Variants in UNC13C observed in about 807,000 individuals in gnomAD.
UNC13C encodes protein unc-13 homolog C.
In UNC13C, 174 loss-of-function variants were observed where a neutral mutation model predicts 245.4. That is an observed-to-expected ratio of 0.71 (90% CI 0.63 to 0.80). The LOEUF (loss-of-function observed/expected upper bound fraction) is 0.80. UNC13C is among the 30% of genes least tolerant of loss of function. The pLI is 0.00. For missense variants in UNC13C, 2,829 were observed against 2,602.9 expected (o/e 1.09, Z -1.89); for synonymous variants, 992 against 895.1 (o/e 1.11, Z -1.93).
intron 19 of UNC13C, among the ~76,000 whole-genome samples, chr15:54,466,102 T>G (rs2141034446): frequency 6.6e-6 from 1 of 152,074 alleles, no homozygotes; most frequent in East Asian, 1.9e-4. Flanking sequence ...GAGTCAAATT[T>G]TGCATGTTCT....
intron 4 of UNC13C, among the ~76,000 whole-genome samples, chr15:54,196,894 T>C (rs2034370843): frequency 6.6e-6 from 1 of 152,126 alleles, no homozygotes; most frequent in Non-Finnish European, 1.5e-5. Context: ...AAATATTTAC[T>C]TTAATTCCAG....
the UNC13C span, among the ~76,000 whole-genome samples, chr15:53,956,748 T>C: frequency 7.9e-5 from 12 of 151,446 alleles, no homozygotes; most frequent in African/African-American, 1.2e-4. Context: ...GCCAATGTCA[T>C]GATGTGGTCC....
chr15:53,863,310 T>C, the UNC13C span, among the ~76,000 whole-genome samples: 2 of 152,166 alleles, frequency 1.3e-5, no homozygotes, highest in Non-Finnish European at 2.9e-5. Context: ...CCCAAGTCTA[T>C]GTAGGTTGGC....
intron 1 of UNC13C, among the ~76,000 whole-genome samples, chr15:54,005,082 T>C (rs564437971): frequency 6.6e-6 from 1 of 152,282 alleles, no homozygotes; most frequent in South Asian, 2.1e-4. Flanking sequence ...TAATGTTCTC[T>C]CTACTCTCCC....
At chr15:53,872,475 G>C in the UNC13C span, among the ~76,000 whole-genome samples, 1 of 152,130 alleles carries the variant, frequency 6.6e-6, no homozygotes, top group Non-Finnish European at 1.5e-5. Context: ...CCTAGATTTA[G>C]ATGGTTGTCT....
chr15:54,594,495 C>G (rs150864513), intron 30 of UNC13C, among the ~76,000 whole-genome samples: 6,301 of 152,000 alleles, frequency 0.041, 240 homozygotes, highest in Admixed American at 0.12. Context: ...TTGGGCAGGT[C>G]TTGCTGTGGC....
At chr15:54,289,357 C>G (rs2414293) in intron 10 of UNC13C, among the ~76,000 whole-genome samples, 23,001 of 151,960 alleles carry the variant, frequency 0.15, 1,942 homozygotes, top group African/African-American at 0.21. Flanking sequence ...CTTCAGGTGG[C>G]ATGGTGGTCA....
rs569902110 is a variant in UNC13C, at chr15:54,322,784, T to C, written c.4425+689T>C. 1.3e-4 allele frequency among the ~76,000 whole-genome samples: 20 copies of C among 151,918 alleles called. 2 individuals are homozygous for C. In the East Asian group the frequency reaches 3.9e-3, roughly 30 times the overall value. On this transcript the variant is annotated intron_variant, in intron 14 of 32. Transcript: ENST00000260323. ...TAAACTAAGAGTATTTCTAGTAAAG[T>C]GGTAAGAGTCAGAATTAAAAATGAG... is the stretch of plus-strand genomic sequence containing the variant.
At chr15:54,545,751 T>C (rs923813369) in intron 26 of UNC13C, among the ~76,000 whole-genome samples, 4 of 152,106 alleles carry the variant, frequency 2.6e-5, no homozygotes, top group African/African-American at 9.7e-5. Context: ...GCATTAGAAA[T>C]GCAAATCAAA....
At chr15:53,854,452 A>G in the UNC13C span, among the ~76,000 whole-genome samples, 20 of 152,146 alleles carry the variant, frequency 1.3e-4, 1 homozygote, top group Admixed American at 1.2e-3. Context: ...TCTTTAATCC[A>G]TCTTGAGTTA....
chr15:53,844,947 T>G, the UNC13C span, among the ~76,000 whole-genome samples: 1 of 152,144 alleles, frequency 6.6e-6, no homozygotes, highest in South Asian at 2.1e-4. Context: ...ATGATACAGG[T>G]TTATATCCAG....
intron 2 of UNC13C, among the ~76,000 whole-genome samples, chr15:54,028,889 C>T (rs1656033146): frequency 6.6e-6 from 1 of 151,994 alleles, no homozygotes; most frequent in African/African-American, 2.4e-5. Flanking sequence ...CCTCACTGTG[C>T]TCCATTTCCT....
intron 4 of UNC13C, among the ~76,000 whole-genome samples, chr15:54,199,759 G>T (rs1353068350): frequency 1.3e-5 from 2 of 151,880 alleles, no homozygotes; most frequent in East Asian, 3.9e-4. Context: ...AATCTCACAG[G>T]ACCTATATAA....
intron 2 of UNC13C, among the ~76,000 whole-genome samples, chr15:54,066,885 C>T (rs1898100731): frequency 6.6e-6 from 1 of 152,038 alleles, no homozygotes; most frequent in Admixed American, 6.6e-5. Context: ...AAATTTAATG[C>T]CTAGATTCCA....
chr15:53,922,926 GATT>G, the UNC13C span, among the ~76,000 whole-genome samples: 3 of 152,122 alleles, frequency 2.0e-5, no homozygotes, highest in Admixed American at 6.5e-5. Context: ...TACCAGAAGC[GATT>G]ATTAATGGTG....
intron 30 of UNC13C, among the ~76,000 whole-genome samples, chr15:54,591,321 G>A (rs537578331): frequency 2.6e-5 from 4 of 152,210 alleles, no homozygotes; most frequent in Admixed American, 6.5e-5. Flanking sequence ...ATTAAGGAGG[G>A]TGCCTTCTTT....
Position 54,555,609 on chromosome 15 carries a change from C to A in UNC13C, c.5958+97C>A, listed in dbSNP as rs919254669. ...TCTTAGCCATGTATCAGTAGAGCTG[C>A]GCCATTCAAAGAGATAGTAGATAGT... On this transcript the variant is annotated intron_variant, in intron 29 of 32. Coordinates refer to ENST00000260323, the MANE Select transcript of UNC13C (RefSeq NM_001080534.3). The A allele has an allele frequency of 1.0e-5, 9 of 884,772 alleles. No individual in the cohort carries two copies. In the Middle Eastern group the frequency reaches 1.1e-3, roughly 107 times the overall value. The allele number at this position is 884,772 out of a possible 1,614,324, so 54.8% of individuals were successfully genotyped here. A position where few individuals can be genotyped will look rare whatever the true frequency, so the allele number is the denominator to read the frequency against.
At chr15:54,180,586 C>T (rs997144810) in intron 4 of UNC13C, among the ~76,000 whole-genome samples, 2 of 151,992 alleles carry the variant, frequency 1.3e-5, no homozygotes, top group Admixed American at 1.3e-4. Context: ...AACTGCTTTC[C>T]ACAGTGACCA....
At chr15:54,583,850 C>T (rs182646582) in intron 30 of UNC13C, among the ~76,000 whole-genome samples, 9 of 152,330 alleles carry the variant, frequency 5.9e-5, no homozygotes, top group East Asian at 3.9e-4. Flanking sequence ...TCAAACCTAA[C>T]GGCCAACACC....
Sources: gnomAD v4.1 joint callset for allele counts (sites outside exome capture counted in the v4.1 genomes callset) on GRCh38, gnomAD v4.1.1 for gene constraint, MANE v1.5 for transcripts, NCBI Gene and HGNC (gene_info 2026-07-23, HGNC 2026-07-21) for gene names.